Variants in VWA1 observed in about 807,000 individuals in gnomAD.
VWA1 encodes von Willebrand factor A domain-containing protein 1.
VWA1 carries 12 observed loss-of-function variants against 14.9 expected under a neutral mutation model. The ratio of observed to expected loss-of-function variants is 0.80; its 90% confidence interval spans 0.52 to 1.30. The LOEUF is 1.30. Among genes scored for constraint, VWA1 ranks in the 50% most tolerant of loss-of-function variants. The probability of loss-of-function intolerance (pLI) is 0.00; values close to 1 mark genes in which losing one functional copy is unlikely to be tolerated. For synonymous variants in VWA1, 368 were observed against 310.7 expected (o/e 1.18, Z -1.94); for missense variants, 800 against 649.1 (o/e 1.23, Z -2.53).
chr1:1,440,266 A>G lies in VWA1; in HGVS notation c.*479A>G, dbSNP rs1638640817. On this transcript the variant is annotated 3_prime_UTR_variant, in exon 3 of 3. Coordinates refer to ENST00000476993, the MANE Select transcript of VWA1 (RefSeq NM_022834.5). ...AAGAAGAGGAAGGGCGAGTAGGGGC[A>G]CCTGGACGCTGATGGTGGCCAGGAT... The G allele has an allele frequency of 6.0e-6, 1 of 166,936 alleles. No individual in the cohort carries two copies. Among genetic ancestry groups the G allele is most frequent in the African/African-American group, 2.4e-5 (1 of 41,448 alleles). 10.3% of individuals were successfully genotyped at this position (166,936 alleles called of 1,614,324 possible). A position where few individuals can be genotyped will look rare whatever the true frequency, so the allele number is the denominator to read the frequency against.
rs1324387546 is a variant in VWA1 at position 1,439,140 on chromosome 1, G to T, written c.691G>T (p.Ala231Ser). Residue 231 changes from alanine to serine, a missense_variant, in exon 3 of 3, where the codon GCC (alanine) becomes TCC (serine). Coordinates refer to ENST00000476993, the MANE Select transcript of VWA1 (RefSeq NM_022834.5). ...TEITSSGFRL[A>S]WPPLLTADSG... ...GATCACGTCCAGCGGCTTCCGCCTG[G>T]CCTGGCCACCCCTGCTGACCGCAGA... 5.0e-6 allele frequency: 8 copies of T among 1,601,920 alleles called. No individual in the cohort carries two copies. The highest frequency in any genetic ancestry group is 5.9e-6 in the Non-Finnish European group (7 of 1,179,342).
intron 2 of VWA1, 120 bp from the exon 3 acceptor site, chr1:1,438,961 G>C (rs1294144185): frequency 7.0e-7 from 1 of 1,423,090 alleles, no homozygotes. Context: ...CCTTGGCCGC[G>C]GGGCCCCGTC....
chr1:1,436,817 A>G, intron 1 of VWA1, 110 bp from the exon 2 acceptor site: 1 of 1,154,180 alleles, frequency 8.7e-7, no homozygotes, highest in Non-Finnish European at 1.2e-6. Flanking sequence ...GACCTTTGGG[A>G]GAAGGCAAGC....
chr1:1,436,299 G>A (rs1449786483), intron 1 of VWA1, among the ~76,000 whole-genome samples: 2 of 152,218 alleles, frequency 1.3e-5, no homozygotes, highest in Non-Finnish European at 2.9e-5. Context: ...CCGGAGGAAG[G>A]GGGAAGCCTG....
intron 1 of VWA1, among the ~76,000 whole-genome samples, chr1:1,436,045 C>A (rs561897464): frequency 6.6e-6 from 1 of 151,762 alleles, no homozygotes; most frequent in African/African-American, 2.4e-5. Context: ...GGGGCCGTCC[C>A]GGCCCGCATC....
rs1638672684 is a variant in VWA1 at position 1,441,612 on chromosome 1, C to T, written c.*1825C>T. 1 of 152,470 alleles carries T rather than the reference C, an allele frequency of 6.6e-6. No homozygotes were observed. The highest frequency in any genetic ancestry group is 2.1e-4 in the South Asian group (1 of 4,832). 9.4% of individuals were successfully genotyped at this position (152,470 alleles called of 1,614,324 possible). A position where few individuals can be genotyped will look rare whatever the true frequency, so the allele number is the denominator to read the frequency against. Reference sequence around the variant, plus strand: ...GGTTGCAGGCCCGGGCCTCGGGCCCCACCTCCTCTGGAGGGGTAGGATCTC... The same window carrying T: ...GGTTGCAGGCCCGGGCCTCGGGCCCTACCTCCTCTGGAGGGGTAGGATCTC... On this transcript the variant is annotated 3_prime_UTR_variant, in exon 3 of 3. Coordinates refer to ENST00000476993, the MANE Select transcript of VWA1 (RefSeq NM_022834.5).
intron 2 of VWA1, among the ~76,000 whole-genome samples, chr1:1,438,467 G>A (rs1447305576): frequency 1.3e-5 from 2 of 152,192 alleles, no homozygotes; most frequent in East Asian, 1.9e-4. Flanking sequence ...GCAGGAGGAA[G>A]ATCCTGATAG....
intron 2 of VWA1, 131 bp downstream of exon 2, chr1:1,437,615 G>T: frequency 8.6e-7 from 1 of 1,168,314 alleles, no homozygotes; most frequent in Non-Finnish European, 1.2e-6. Flanking sequence ...GGTACCCCTA[G>T]GGTGCAGGGC....
At chr1:1,438,692 C>G (rs1403928022) in intron 2 of VWA1, among the ~76,000 whole-genome samples, 1 of 152,154 alleles carries the variant, frequency 6.6e-6, no homozygotes, top group African/African-American at 2.4e-5. Context: ...GGGCTGACCT[C>G]AGACCCCGGC....
rs985140720 is a variant in VWA1 at position 1,440,609 on chromosome 1, C to T, written c.*822C>T. On this transcript the variant is annotated 3_prime_UTR_variant, in exon 3 of 3. Coordinates refer to ENST00000476993, the MANE Select transcript of VWA1 (RefSeq NM_022834.5). Reference sequence around the variant, plus strand: ...CCCCGGGCTACCTCCTGTCACTACTCACTGCCCTGGGGTCCGTGGGCAAGT... The same window carrying T: ...CCCCGGGCTACCTCCTGTCACTACTTACTGCCCTGGGGTCCGTGGGCAAGT... 6 of 166,920 alleles carry T rather than the reference C, an allele frequency of 3.6e-5. No individual in the cohort carries two copies. Among genetic ancestry groups the T allele is most frequent in the Admixed American group, 1.3e-4 (2 of 15,282 alleles). 10.3% of individuals were successfully genotyped at this position (166,920 alleles called of 1,614,324 possible). A position where few individuals can be genotyped will look rare whatever the true frequency, so the allele number is the denominator to read the frequency against.
chr1:1,439,200 G>C lies in VWA1; in HGVS notation c.751G>C (p.Ala251Pro). Reference protein sequence around the residue: ...GYYVLELVPSAQPGAARRQQL... With the variant: ...GYYVLELVPSPQPGAARRQQL... ...CTATGTGCTGGAGCTGGTGCCCAGC[G>C]CCCAGCCGGGGGCTGCAAGACGCCA... Residue 251 changes from alanine to proline, a missense_variant, in exon 3 of 3, where the codon GCC becomes CCC. Physicochemically the swap from Ala to Pro is conservative, Grantham distance 27 (BLOSUM62 -1). Coordinates refer to ENST00000476993, the MANE Select transcript of VWA1 (RefSeq NM_022834.5). 1 of 1,606,512 alleles carries C rather than the reference G, an allele frequency of 6.2e-7. No individual in the cohort carries two copies.
chr1:1,439,735 C>T lies in VWA1; in HGVS notation c.1286C>T (p.Pro429Leu). Residue 429 changes from proline to leucine, a missense_variant, in exon 3 of 3, where the codon CCA becomes CTA. Physicochemically the swap from Pro to Leu is moderately conservative, Grantham distance 98. Transcript: ENST00000476993. ...ACGCCCGACGGCCCGCGCCCGCGCC[C>T]ACGCCCCGTGCCCCGCGCCCCGACC... ...ACTPDGPRPR[P>L]RPVPRAPTPG... 1 of 1,117,904 alleles carries T rather than the reference C, an allele frequency of 8.9e-7. No individual in the cohort carries two copies. The highest frequency in any genetic ancestry group is 1.7e-5 in the African/African-American group (1 of 58,846). The allele number at this position is 1,117,904 out of a possible 1,614,324, so 69.2% of individuals were successfully genotyped here. A position where few individuals can be genotyped will look rare whatever the true frequency, so the allele number is the denominator to read the frequency against.
Position 1,439,297 on chromosome 1 carries a change from T to C in VWA1, c.848T>C (p.Leu283Pro). The part of the protein sequence containing the change: ...LDPDTDYDVA[L>P]VPESNVRLLR... ...CCGGACACGGACTACGACGTGGCGCTAGTGCCTGAGTCCAACGTGCGCCTC... is the reference window on the plus strand; with the variant it reads ...CCGGACACGGACTACGACGTGGCGCCAGTGCCTGAGTCCAACGTGCGCCTC... The change falls in exon 3 of 3, where the codon CTA becomes CCA. Residue 283 changes from leucine (L) to proline (P), a missense_variant. Transcript: ENST00000476993. The C allele has an allele frequency of 4.4e-6, 7 of 1,598,804 alleles. No homozygotes were observed. Among genetic ancestry groups the C allele is most frequent in the Non-Finnish European group, 6.0e-6 (7 of 1,176,240 alleles).
Position 1,440,540 on chromosome 1 carries a change from G to A in VWA1, c.*753G>A, listed in dbSNP as rs1432897686. On this transcript the variant is annotated 3_prime_UTR_variant, in exon 3 of 3. Transcript: ENST00000476993. ...GGCCGCAGGGACGACACTCTCCAGGGAGGCCCCAGCAACCACACCATCTTC... is the reference window on the plus strand; with the variant it reads ...GGCCGCAGGGACGACACTCTCCAGGAAGGCCCCAGCAACCACACCATCTTC... 1 of 166,826 alleles carries A rather than the reference G, an allele frequency of 6.0e-6. No individual in the cohort carries two copies. The highest frequency in any genetic ancestry group is 1.5e-5 in the Non-Finnish European group (1 of 68,114). 10.3% of individuals were successfully genotyped at this position (166,826 alleles called of 1,614,324 possible).
intron 2 of VWA1, 131 bp downstream of exon 2, chr1:1,437,615 G>A (rs1461511342): frequency 1.7e-6 from 2 of 1,168,196 alleles, no homozygotes; most frequent in Non-Finnish European, 2.4e-6. Context: ...GGTACCCCTA[G>A]GGTGCAGGGC....
At position 1,439,555 on chromosome 1, in the gene VWA1, G is replaced by A; in HGVS notation, c.1106G>A (p.Gly369Glu). The change falls in exon 3 of 3, where the codon GGG becomes GAG. Residue 369 changes from glycine (G) to glutamate (E), a missense_variant. By Grantham distance (98) the Gly-to-Glu change is moderately conservative (BLOSUM62 -2). Transcript: ENST00000476993. ...AAALGYHVQF[G>E]PLRGGEAQRV... ...GCGCTCGGCTACCACGTGCAGTTCG[G>A]GCCGCTGCGGGGCGGGGAGGCGCAG... 1 of 1,315,930 alleles carries A rather than the reference G, an allele frequency of 7.6e-7. No individual in the cohort carries two copies. Among genetic ancestry groups the A allele is most frequent in the South Asian group, 1.7e-5 (1 of 57,784 alleles). 81.5% of individuals were successfully genotyped at this position (1,315,930 alleles called of 1,614,324 possible).
rs1458828445 is a variant in VWA1, at chr1:1,436,977, T to C, written c.124T>C (p.Ser42Pro). Residue 42 changes from serine to proline, a missense_variant, in exon 2 of 3, where the codon TCA (serine) becomes CCA (proline). By Grantham distance (74) the Ser-to-Pro change is moderately conservative. Transcript: ENST00000476993. ...RGDLMFLLDS[S>P]ASVSHYEFSR... The stretch of plus-strand genomic sequence containing the variant: ...GGACCTGATGTTCCTGCTGGACAGC[T>C]CAGCCAGCGTCTCTCACTACGAGTT... 2 of 1,612,418 alleles carry C rather than the reference T, an allele frequency of 1.2e-6. No individual in the cohort carries two copies. The highest frequency in any genetic ancestry group is 2.7e-5 in the African/African-American group (2 of 74,928).
rs1310315485 is a variant in VWA1 at position 1,440,247 on chromosome 1, A to T, written c.*460A>T. The T allele has an allele frequency of 6.0e-6, 1 of 166,992 alleles. No individual in the cohort carries two copies. Among genetic ancestry groups the T allele is most frequent in the Non-Finnish European group, 1.5e-5 (1 of 68,170 alleles). The allele number at this position is 166,992 out of a possible 1,614,324, so 10.3% of individuals were successfully genotyped here. On this transcript the variant is annotated 3_prime_UTR_variant, in exon 3 of 3. Coordinates refer to ENST00000476993, the MANE Select transcript of VWA1 (RefSeq NM_022834.5). The stretch of plus-strand genomic sequence containing the variant: ...AGGTCCGCAAAGGCTTCTGAAGAAG[A>T]GGAAGGGCGAGTAGGGGCACCTGGA...
In VWA1 at chr1:1,437,442, G is replaced by A. The variant is rs1267335167; in HGVS notation, c.589G>A (p.Asp197Asn). ...EKHLHFVDVD[D>N]LHIIVQELRG... ...GCACCTGCACTTTGTGGACGTGGAT[G>A]ACCTGCACATCATTGTCCAAGAGCT... The change falls in exon 2 of 3, where the codon GAC (aspartate) becomes AAC (asparagine). Residue 197 changes from aspartate (D) to asparagine (N), a missense_variant. By Grantham distance (23) the Asp-to-Asn change is conservative. Transcript: ENST00000476993. The A allele has an allele frequency of 6.2e-7, 1 of 1,612,242 alleles. No homozygotes were observed.
Sources: allele counts gnomAD v4.1 joint callset (sites outside exome capture counted in the v4.1 genomes callset), GRCh38; gene constraint gnomAD v4.1.1; transcripts MANE v1.5; gene names NCBI Gene and HGNC (gene_info 2026-07-23, HGNC 2026-07-21).